WNK3: variants seen among roughly 807,000 people sequenced by gnomAD.
WNK3 encodes the protein serine/threonine-protein kinase WNK3.
WNK3 carries 18 observed loss-of-function variants against 116.7 expected under a neutral mutation model. The observed-to-expected ratio is 0.15, with a 90% CI of 0.11 to 0.23. The LOEUF (loss-of-function observed/expected upper bound fraction) is 0.23, where lower values mean the gene tolerates loss of function less well. Among genes scored for constraint, WNK3 ranks in the 10% least tolerant of loss-of-function variants. WNK3 has a pLI of 1.00. For synonymous variants in WNK3, 404 were observed against 469.4 expected (o/e 0.86, Z 1.80); for missense variants, 993 against 1,323.8 (o/e 0.75, Z 3.88).
chrX:54,328,391 T>C (rs1051236121), intron 2 of WNK3, among the ~76,000 whole-genome samples: 1 of 110,373 alleles, frequency 9.1e-6, no homozygotes, highest in Non-Finnish European at 1.9e-5. Flanking sequence ...ATATGCAGGC[T>C]GGGCACGGTG....
At chrX:54,264,376 G>A (rs1413782744) in intron 10 of WNK3, among the ~76,000 whole-genome samples, 1 of 108,997 alleles carries the variant, frequency 9.2e-6, no homozygotes, top group Non-Finnish European at 1.9e-5. Flanking sequence ...GTGTTGCCCA[G>A]GTTGGTCTCG....
chrX:54,219,105 A>G (rs1557146013), intron 22 of WNK3, among the ~76,000 whole-genome samples: 3 of 111,560 alleles, frequency 2.7e-5, no homozygotes. Context: ...TGAATGACAA[A>G]TATTAATTTA....
chrX:54,295,905 T>C (rs782627639), intron 7 of WNK3, among the ~76,000 whole-genome samples: 7 of 110,983 alleles, frequency 6.3e-5, no homozygotes, highest in Non-Finnish European at 1.3e-4. Flanking sequence ...TGGGCTTTGG[T>C]CTCGAACTCC....
chrX:54,339,702 G>A (rs1334079652), intron 1 of WNK3, among the ~76,000 whole-genome samples: 3 of 111,893 alleles, frequency 2.7e-5, no homozygotes, highest in Non-Finnish European at 3.8e-5. Context: ...GCTGGACCCC[G>A]ACCTCGTACC....
intron 2 of WNK3, among the ~76,000 whole-genome samples, chrX:54,321,006 C>G (rs782696378): frequency 8.1e-5 from 9 of 110,746 alleles, no homozygotes; most frequent in African/African-American, 2.9e-4. Flanking sequence ...AAGCAATTCT[C>G]CTGCCTCAGC....
chrX:54,354,273 T>C (rs1557179005), intron 1 of WNK3, among the ~76,000 whole-genome samples: 1 of 111,766 alleles, frequency 8.9e-6, no homozygotes, highest in Non-Finnish European at 1.9e-5. Flanking sequence ...TATAGATGTC[T>C]TTCAGTCATC....
At chrX:54,263,965 A>G (rs2068283092) in intron 10 of WNK3, among the ~76,000 whole-genome samples, 1 of 108,021 alleles carries the variant, frequency 9.3e-6, no homozygotes, top group East Asian at 3.0e-4. Context: ...CCCAGGCTCA[A>G]AGTGATTCTC....
At chrX:54,242,710 A>G (rs2068034811) in intron 17 of WNK3, among the ~76,000 whole-genome samples, 1 of 112,163 alleles carries the variant, frequency 8.9e-6, no homozygotes, top group African/African-American at 3.2e-5. Context: ...GTGCTGAACA[A>G]CTGGATATCC....
chrX:54,206,070 T>A, intron 22 of WNK3, among the ~76,000 whole-genome samples: 1 of 111,556 alleles, frequency 9.0e-6, no homozygotes, highest in East Asian at 2.8e-4. Flanking sequence ...CACAACCAAT[T>A]CCCAAATGTA....
rs374273753 is a variant in WNK3, at chrX:54,237,392, T to C, written c.4174A>G (p.Thr1392Ala). ...TGTAACTTCTCATAAGAAAACGAAG[T>C]TTTTGGATTTTGTGTGGCAGGTTCT... The change falls in exon 20 of 24, where the codon ACT (threonine) becomes GCT (alanine). Residue 1392 changes from threonine to alanine, a missense_variant. By Grantham distance (58) the Thr-to-Ala change is moderately conservative (BLOSUM62 0). Coordinates refer to ENST00000354646, the Ensembl canonical transcript of WNK3. 6 of 1,207,276 alleles carry C rather than the reference T, an allele frequency of 5.0e-6. No homozygotes were observed. The African/African-American group carries it at 1.1e-4, about 21-fold the overall frequency.
chrX:54,313,781 T>C (rs1397112015), intron 2 of WNK3, among the ~76,000 whole-genome samples: 2 of 112,297 alleles, frequency 1.8e-5, no homozygotes, highest in Admixed American at 9.5e-5. Flanking sequence ...TTAGCCAAAA[T>C]GTTGTTGATG....
At chrX:54,206,111 A>G (rs1341020972) in intron 22 of WNK3, among the ~76,000 whole-genome samples, 1 of 111,622 alleles carries the variant, frequency 9.0e-6, no homozygotes, top group East Asian at 2.8e-4. Flanking sequence ...TAAATTATTC[A>G]ATTCAGGCCA....
At chrX:54,255,834 G>A (rs2068185953) in exon 12 of WNK3, 1 of 1,208,194 alleles carries the variant, frequency 8.3e-7, no homozygotes, top group South Asian at 1.8e-5. Flanking sequence ...ATTTCCACTT[G>A]GGTTATCAGG....
intron 1 of WNK3, among the ~76,000 whole-genome samples, chrX:54,342,421 C>G (rs530482007): frequency 1.8e-5 from 2 of 109,552 alleles, no homozygotes; most frequent in South Asian, 8.1e-4. Context: ...CAAAAATTAG[C>G]TGGGCGTGGT....
At chrX:54,320,521 AT>A (rs1430081954) in intron 2 of WNK3, among the ~76,000 whole-genome samples, 2 of 111,436 alleles carry the variant, frequency 1.8e-5, no homozygotes, top group Middle Eastern at 4.6e-3. Flanking sequence ...ATCAATGAAT[AT>A]TTTTTTTCTT....
chrX:54,233,487 G>A (rs1359341367), intron 20 of WNK3, among the ~76,000 whole-genome samples: 13 of 102,605 alleles, frequency 1.3e-4, no homozygotes, highest in African/African-American at 4.7e-4. Flanking sequence ...GAGGGAGGGA[G>A]GGAAGGAAGG....
At chrX:54,345,971 T>C (rs2069418519) in intron 1 of WNK3, among the ~76,000 whole-genome samples, 1 of 108,987 alleles carries the variant, frequency 9.2e-6, no homozygotes. Context: ...ATAAAATAAA[T>C]AGCATTATAT....
intron 2 of WNK3, among the ~76,000 whole-genome samples, chrX:54,318,675 T>G (rs2068991769): frequency 9.1e-6 from 1 of 110,097 alleles, no homozygotes; most frequent in Non-Finnish European, 1.9e-5. Flanking sequence ...CACTCCAGCC[T>G]AGGTAAGAGA....
chrX:54,259,259 T>C lies in WNK3; in HGVS notation c.2102+15A>G. The C allele has an allele frequency of 1.7e-6, 2 of 1,152,491 alleles. No individual in the cohort carries two copies. The highest frequency in any genetic ancestry group is 2.4e-6 in the Non-Finnish European group (2 of 848,211). The allele number at this position is 1,152,491 out of a possible 1,213,427, so 95.0% of individuals were successfully genotyped here. A position where few individuals can be genotyped will look rare whatever the true frequency, so the allele number is the denominator to read the frequency against. ...ATCCTCATTGTTCTCATGGTATTAA[T>C]TTGAAGATACTTACCTTCGAACTAA... On this transcript the variant is annotated intron_variant, in intron 11 of 23. Transcript: ENST00000354646.
Sources: allele counts gnomAD v4.1 joint callset (sites outside exome capture counted in the v4.1 genomes callset), GRCh38; gene constraint gnomAD v4.1.1; transcripts MANE v1.5; gene names NCBI Gene and HGNC (gene_info 2026-07-23, HGNC 2026-07-21).